TMEM178A: variants seen among roughly 807,000 people sequenced by gnomAD.
TMEM178A encodes the protein transmembrane protein 178.
TMEM178A carries 12 observed loss-of-function variants against 29.1 expected under a neutral mutation model. The observed-to-expected ratio is 0.41, with a 90% CI of 0.26 to 0.67. The LOEUF (loss-of-function observed/expected upper bound fraction) is 0.67, where lower values mean the gene tolerates loss of function less well. TMEM178A is among the 30% of genes least tolerant of loss of function. The pLI, the probability that TMEM178A is intolerant of heterozygous loss-of-function variation, is 0.29. For missense variants in TMEM178A, 366 were observed against 419.1 expected, an observed-to-expected ratio of 0.87 and a Z score of 1.11; for synonymous variants, 210 against 187.2, an observed-to-expected ratio of 1.12 and a Z score of -0.99.
chr2:39,728,032 T>C, the TMEM178A span, among the ~76,000 whole-genome samples: 1 of 152,224 alleles, frequency 6.6e-6, no homozygotes. Flanking sequence ...TATGTGTGCA[T>C]GTGTCTTTAT....
rs145739638 is a variant in TMEM178A at position 39,695,606 on chromosome 2, A to G, written c.401-8475A>G. 1.8e-3 allele frequency among the ~76,000 whole-genome samples: 278 copies of G among 151,940 alleles called. 1 individual carries two copies. The highest frequency in any genetic ancestry group is 6.4e-3 in the African/African-American group (267 of 41,410). Reference sequence around the variant, plus strand: ...GGCTAGGATGGTCACAGAGATGGACATGATGTTGCCAGGGGACAATTTGGG... The same window carrying G: ...GGCTAGGATGGTCACAGAGATGGACGTGATGTTGCCAGGGGACAATTTGGG... On this transcript the variant is annotated intron_variant, in intron 1 of 3. Coordinates refer to ENST00000281961, the MANE Select transcript of TMEM178A (RefSeq NM_152390.3).
the TMEM178A span, among the ~76,000 whole-genome samples, chr2:39,734,424 GGGA>G: frequency 1.3e-5 from 2 of 152,284 alleles, no homozygotes; most frequent in East Asian, 3.9e-4. Flanking sequence ...CTCTCAGTAT[GGGA>G]GGAATTCAGG....
chr2:39,732,357 G>C, the TMEM178A span, among the ~76,000 whole-genome samples: 1 of 152,280 alleles, frequency 6.6e-6, no homozygotes, highest in East Asian at 1.9e-4. Flanking sequence ...GTGGCAGGAA[G>C]CACACTGAGA....
At position 39,717,418 on chromosome 2, in the gene TMEM178A, C is replaced by A; in HGVS notation, c.*167C>A. The A allele has an allele frequency of 1.0e-6, 1 of 963,990 alleles. No individual in the cohort carries two copies. Among genetic ancestry groups the A allele is most frequent in the Non-Finnish European group, 1.5e-6 (1 of 678,286 alleles). The allele number at this position is 963,990 out of a possible 1,614,324, so 59.7% of individuals were successfully genotyped here. On this transcript the variant is annotated 3_prime_UTR_variant, in exon 4 of 4. Coordinates refer to ENST00000281961, the MANE Select transcript of TMEM178A (RefSeq NM_152390.3). ...CAAAACCTCCCAACCTTTCTAAGGA[C>A]AAGACTACTGTGGATTCAAGTGCTT...
At chr2:39,692,070 A>G (rs992244260) in intron 1 of TMEM178A, among the ~76,000 whole-genome samples, 9 of 152,218 alleles carry the variant, frequency 5.9e-5, no homozygotes, top group Admixed American at 5.2e-4. Flanking sequence ...CAGAAAGACA[A>G]ATACTGCATG....
chr2:39,694,457 G>A (rs1003531575), intron 1 of TMEM178A, among the ~76,000 whole-genome samples: 3 of 152,100 alleles, frequency 2.0e-5, no homozygotes, highest in Non-Finnish European at 4.4e-5. Context: ...TATAGTATGT[G>A]GTAGACACAA....
chr2:39,679,315 A>C (rs1272856378), intron 1 of TMEM178A, among the ~76,000 whole-genome samples: 6 of 152,238 alleles, frequency 3.9e-5, no homozygotes, highest in Admixed American at 2.0e-4. Context: ...CAATTCAAGG[A>C]CAGGAGAAGT....
Position 39,684,684 on chromosome 2 carries a change from C to G in TMEM178A, c.400+18310C>G, listed in dbSNP as rs72934273. Among the ~76,000 whole-genome samples, 965 of 152,288 alleles carry G rather than the reference C, an allele frequency of 6.3e-3. 14 individuals are homozygous for G. The highest frequency in any genetic ancestry group is 0.022 in the African/African-American group (904 of 41,562). On this transcript the variant is annotated intron_variant, in intron 1 of 3. Transcript: ENST00000281961. ...CTCCTGATAACTTACTGGATGGAGT[C>G]TTGTTGCGTGGGGGAGGGAGCTCTT...
At chr2:39,728,353 G>C in the TMEM178A span, among the ~76,000 whole-genome samples, 1 of 152,188 alleles carries the variant, frequency 6.6e-6, no homozygotes, top group African/African-American at 2.4e-5. Flanking sequence ...CTGGACAGCT[G>C]TCTGCTTCTT....
intron 3 of TMEM178A, among the ~76,000 whole-genome samples, chr2:39,713,983 T>G (rs1309555171): frequency 6.6e-6 from 1 of 152,248 alleles, no homozygotes; most frequent in Non-Finnish European, 1.5e-5. Flanking sequence ...GCTTCTCTCC[T>G]CTTAGTACAT....
chr2:39,697,559 A>G (rs1240755297), intron 1 of TMEM178A, among the ~76,000 whole-genome samples: 1 of 151,976 alleles, frequency 6.6e-6, no homozygotes, highest in Non-Finnish European at 1.5e-5. Flanking sequence ...CCAGACCCAC[A>G]CTCTTTGGAG....
chr2:39,673,275 C>T (rs746545846), intron 1 of TMEM178A, among the ~76,000 whole-genome samples: 8 of 152,172 alleles, frequency 5.3e-5, no homozygotes, highest in East Asian at 1.9e-4. Context: ...CTTGCAACTC[C>T]GCCAGATAGC....
At chr2:39,703,240 G>A (rs1016768471) in intron 1 of TMEM178A, among the ~76,000 whole-genome samples, 3 of 152,168 alleles carry the variant, frequency 2.0e-5, no homozygotes, top group Non-Finnish European at 1.5e-5. Context: ...TTTAAAATGA[G>A]AGGAGAACAT....
chr2:39,708,406 TTGA>T (rs1672135011), intron 3 of TMEM178A, among the ~76,000 whole-genome samples: 1 of 140,742 alleles, frequency 7.1e-6, no homozygotes, highest in African/African-American at 2.7e-5. Flanking sequence ...AAGGAGTGAC[TTGA>T]TTTTTTTTTT....
intron 1 of TMEM178A, among the ~76,000 whole-genome samples, chr2:39,681,589 C>T (rs1670872676): frequency 2.0e-5 from 3 of 152,032 alleles, no homozygotes; most frequent in African/African-American, 7.2e-5. Context: ...AAATATGTTT[C>T]TTAGAATTTT....
intron 3 of TMEM178A, among the ~76,000 whole-genome samples, chr2:39,708,613 T>A (rs1364363237): frequency 1.3e-5 from 2 of 151,232 alleles, no homozygotes; most frequent in African/African-American, 4.9e-5. Context: ...GAGACGGGGT[T>A]TCACCGTGTT....
intron 3 of TMEM178A, among the ~76,000 whole-genome samples, chr2:39,713,220 A>C (rs1672390797): frequency 1.3e-5 from 2 of 152,246 alleles, no homozygotes; most frequent in Admixed American, 1.3e-4. Context: ...TATCTCTAAT[A>C]TACCAGAACT....
chr2:39,712,041 TTGTG>T (rs61303746), intron 3 of TMEM178A, among the ~76,000 whole-genome samples: 2,532 of 139,338 alleles, frequency 0.018, 74 homozygotes, highest in African/African-American at 0.063. Context: ...GAATTGCATT[TTGTG>T]TGTGTGTGTG....
intron 1 of TMEM178A, among the ~76,000 whole-genome samples, chr2:39,668,527 T>A (rs535179751): frequency 1.3e-5 from 2 of 152,284 alleles, no homozygotes; most frequent in South Asian, 4.1e-4. Flanking sequence ...TCCTTGTCTG[T>A]GGTATTATTA....
Sources: allele counts gnomAD v4.1 joint callset (sites outside exome capture counted in the v4.1 genomes callset), GRCh38; gene constraint gnomAD v4.1.1; transcripts MANE v1.5; gene names NCBI Gene and HGNC (gene_info 2026-07-23, HGNC 2026-07-21).